The following ZNF484 variants were observed in gnomAD, a reference collection of about 807,000 sequenced individuals.
ZNF484 encodes KRAB box containing C2H2 type zinc finger bA526D8.4.
A neutral mutation model predicts 12.9 loss-of-function variants in ZNF484; 11 were observed. The observed-to-expected ratio is 0.85, with a 90% confidence interval of 0.54 to 1.41. The LOEUF (loss-of-function observed/expected upper bound fraction) is 1.41. ZNF484 is among the 40% of genes most tolerant of loss of function. The pLI, the probability that ZNF484 is intolerant of heterozygous loss-of-function variation, is 0.00. For missense variants in ZNF484, 807 were observed against 1,007.7 expected (o/e 0.80, Z 2.70); for synonymous variants, 289 against 334.1 (o/e 0.86, Z 1.47).
chr9:92,875,334 G>A (rs1348852407), intron 1 of ZNF484, among the ~76,000 whole-genome samples: 1 of 152,198 alleles, frequency 6.6e-6, no homozygotes, highest in Non-Finnish European at 1.5e-5. Context: ...AGGATATACT[G>A]TTCTATTACG....
intron 1 of ZNF484, among the ~76,000 whole-genome samples, chr9:92,876,851 T>A (rs1044270938): frequency 1.3e-5 from 2 of 152,174 alleles, no homozygotes; most frequent in African/African-American, 4.8e-5. Context: ...TTAGGAAAGA[T>A]AAAGATTTGA....
chr9:92,856,323 T>TAAA lies in ZNF484; in HGVS notation c.16-8_16-6dup, dbSNP rs56121719. ...GTCCTTGAATGACACTGATTCCTGT[T>TAAA]AAAAAAAAAAAACAAACTTTAAAAT... is the stretch of plus-strand genomic sequence containing the variant. On this transcript the variant is annotated splice_region_variant and splice_polypyrimidine_tract_variant and intron_variant, in intron 2 of 4. Coordinates refer to ENST00000375495, the MANE Select transcript of ZNF484 (RefSeq NM_031486.4). 5,547 of 1,356,432 alleles carry TAAA rather than the reference T, an allele frequency of 4.1e-3. No individual in the cohort carries two copies. The highest frequency in any genetic ancestry group is 4.8e-3 in the Non-Finnish European group (4,880 of 1,017,854). The allele number at this position is 1,356,432 out of a possible 1,614,324, so 84.0% of individuals were successfully genotyped here. A position where few individuals can be genotyped will look rare whatever the true frequency, so the allele number is the denominator to read the frequency against.
chr9:92,850,143 G>A (rs1174172148), intron 4 of ZNF484, among the ~76,000 whole-genome samples: 1 of 152,180 alleles, frequency 6.6e-6, no homozygotes, highest in African/African-American at 2.4e-5. Context: ...GCACTTTATT[G>A]TAACCCTTTG....
rs944133288 is a variant in ZNF484, at chr9:92,867,422, T to C, written c.15+7593A>G. Reference sequence around the variant, plus strand: ...CCTTGAACCCGGGAGGCGGAGGTTGTGGTGAGCTGAGATTGCGCCATTGCA... The same window carrying C: ...CCTTGAACCCGGGAGGCGGAGGTTGCGGTGAGCTGAGATTGCGCCATTGCA... On this transcript the variant is annotated intron_variant, in intron 2 of 4. Transcript: ENST00000375495. 2.6e-5 allele frequency among the ~76,000 whole-genome samples: 4 copies of C among 152,024 alleles called. No individual in the cohort carries two copies. In the East Asian group the frequency reaches 7.7e-4, roughly 29 times the overall value.
At chr9:92,853,487 G>A (rs1387219865) in intron 4 of ZNF484, among the ~76,000 whole-genome samples, 2 of 152,192 alleles carry the variant, frequency 1.3e-5, no homozygotes, top group Non-Finnish European at 2.9e-5. Context: ...GCCTGACTGA[G>A]ACACACAAAT....
chr9:92,848,133 T>C lies in ZNF484; in HGVS notation c.654A>G (p.Thr218=), dbSNP rs1219807756. 12 of 1,614,216 alleles carry C rather than the reference T, an allele frequency of 7.4e-6. No homozygotes were observed. Among genetic ancestry groups the C allele is most frequent in the Non-Finnish European group, 1.0e-5 (12 of 1,180,038 alleles). The change falls in exon 5 of 5, where the codon ACA becomes ACG. Residue 218 remains threonine, a synonymous_variant. Transcript: ENST00000375495. The surrounding 1 kb of genome is among the most constrained non-coding windows in gnomAD (Gnocchi z 4.1). ...GDIFTHLNSH[T]EVTACECNQC... is the part of the protein sequence containing the mutation. ...GGTTACATTCACAAGCAGTCACTTC[T>C]GTATGAGAATTCAAATGAGTGAAAA...
At chr9:92,864,035 T>G in intron 2 of ZNF484, among the ~76,000 whole-genome samples, 1 of 152,144 alleles carries the variant, frequency 6.6e-6, no homozygotes, top group East Asian at 1.9e-4. Context: ...GGGGATTAGT[T>G]GATGGGGTTG....
chr9:92,864,960 T>C (rs560868276), intron 2 of ZNF484, among the ~76,000 whole-genome samples: 1 of 151,796 alleles, frequency 6.6e-6, no homozygotes, highest in African/African-American at 2.4e-5. Context: ...AAAATAAGGA[T>C]TATACAGAAG....
chr9:92,848,177 T>C lies in ZNF484; in HGVS notation c.610A>G (p.Thr204Ala), dbSNP rs780457126. 3.7e-6 allele frequency: 6 copies of C among 1,614,082 alleles called. No individual in the cohort carries two copies. The highest frequency in any genetic ancestry group is 5.1e-6 in the Non-Finnish European group (6 of 1,180,022). ...GTGAAAATATCACCATCTCCAATAG[T>C]CTTATCAGAATTTTCTGTTGCATTG... is the stretch of plus-strand genomic sequence containing the variant. ...RNNATENSDKTIGDGDIFTHL... is the reference protein window; with the variant it reads ...RNNATENSDKAIGDGDIFTHL... The change falls in exon 5 of 5, where the codon ACT becomes GCT. Residue 204 changes from threonine (T) to alanine (A), a missense_variant. Coordinates refer to ENST00000375495, the MANE Select transcript of ZNF484 (RefSeq NM_031486.4). The surrounding 1 kb of genome is among the most constrained non-coding windows in gnomAD (Gnocchi z 4.1).
intron 2 of ZNF484, among the ~76,000 whole-genome samples, chr9:92,860,330 C>A (rs1033983896): frequency 6.6e-6 from 1 of 152,084 alleles, no homozygotes; most frequent in African/African-American, 2.4e-5. Context: ...AGGCCAGGCG[C>A]GGTGGCTCAC....
chr9:92,848,398 T>A lies in ZNF484; in HGVS notation c.389A>T (p.Glu130Val). Residue 130 changes from glutamate (E) to valine (V), a missense_variant, in exon 5 of 5, where the codon GAA becomes GTA. Transcript: ENST00000375495. The surrounding 1 kb of genome is among the most constrained non-coding windows in gnomAD (Gnocchi z 4.1). ...ACGACTTAAAGGTTTGTTCTGGTTT[T>A]CTCCACATTTTCTTGTGTGTTCATC... is the stretch of plus-strand genomic sequence containing the variant. The part of the protein sequence containing the change: ...KDDEHTRKCG[E>V]NQNKPLSRVV... The A allele has an allele frequency of 6.2e-7, 1 of 1,614,182 alleles. No homozygotes were observed. The highest frequency in any genetic ancestry group is 8.5e-7 in the Non-Finnish European group (1 of 1,180,022).
intron 2 of ZNF484, among the ~76,000 whole-genome samples, chr9:92,870,997 G>A (rs1402027066): frequency 6.6e-6 from 1 of 152,104 alleles, no homozygotes; most frequent in Non-Finnish European, 1.5e-5. Context: ...ACTCAAATAA[G>A]ATCTAGAGTC....
At chr9:92,860,450 A>G (rs1341216543) in intron 2 of ZNF484, among the ~76,000 whole-genome samples, 1 of 151,932 alleles carries the variant, frequency 6.6e-6, no homozygotes, top group Non-Finnish European at 1.5e-5. Flanking sequence ...AAAAAATACA[A>G]AAAATTAGCC....
rs1855585113 is a variant in ZNF484 at position 92,846,313 on chromosome 9, G to C, written c.2474C>G (p.Ser825Cys). 1 of 1,614,034 alleles carries C rather than the reference G, an allele frequency of 6.2e-7. No individual in the cohort carries two copies. The highest frequency in any genetic ancestry group is 1.1e-5 in the South Asian group (1 of 91,084). ...GGAGCACTCTACTTCCCCATTGTCA[G>C]ATTTCTGAGGCATACTGAGTTGTGG... ...WKPQLSMPQK[S>C]DNGEVECSMP... The change falls in exon 5 of 5, where the codon TCT becomes TGT. Residue 825 changes from serine (S) to cysteine (C), a missense_variant. Transcript: ENST00000375495.
rs1386712592 is a variant in ZNF484, at chr9:92,860,637, C to CA, written c.16-4320dup. Among the ~76,000 whole-genome samples, 1,132 of 144,010 alleles carry CA rather than the reference C, an allele frequency of 7.9e-3. 6 individuals are homozygous for CA. Among genetic ancestry groups the CA allele is most frequent in the South Asian group, 0.032 (146 of 4,516 alleles). The allele number at this position is 144,010 out of a possible 152,430, so 94.5% of individuals were successfully genotyped here. ...AAAAAAAACAACAAAACAAAACAAACAAAAAAAAACCAGTATACTTGAGGT... is the reference window on the plus strand; with the variant it reads ...AAAAAAAACAACAAAACAAAACAAACAAAAAAAAAACCAGTATACTTGAGGT... On this transcript the variant is annotated intron_variant, in intron 2 of 4. Transcript: ENST00000375495.
intron 2 of ZNF484, among the ~76,000 whole-genome samples, chr9:92,861,046 A>C (rs747409581): frequency 3.9e-5 from 6 of 152,232 alleles, no homozygotes; most frequent in Admixed American, 1.3e-4. Flanking sequence ...CAGGTTTCAA[A>C]TTAGCTTCTG....
rs1474091877 is a variant in ZNF484 at position 92,846,460 on chromosome 9, T to C, written c.2327A>G (p.Tyr776Cys). The C allele has an allele frequency of 3.1e-6, 5 of 1,614,162 alleles. No individual in the cohort carries two copies. The Admixed American group carries it at 8.3e-5, about 27-fold the overall frequency. ...GGCCTTTCCACACTCAGCACATATA[T>C]ATGGTTTCTCTCCTGTGTGAATTCG... ...HHRIHTGEKP[Y>C]ICAECGKAFT... Residue 776 changes from tyrosine (Y) to cysteine (C), a missense_variant, in exon 5 of 5, where the codon TAT (tyrosine) becomes TGT (cysteine). Transcript: ENST00000375495.
intron 4 of ZNF484, among the ~76,000 whole-genome samples, chr9:92,850,466 T>C (rs932320790): frequency 6.6e-6 from 1 of 152,248 alleles, no homozygotes; most frequent in Non-Finnish European, 1.5e-5. Flanking sequence ...AAAATTACGA[T>C]ATCTTAGTCA....
chr9:92,860,276 CT>C (rs1438486938), intron 2 of ZNF484, among the ~76,000 whole-genome samples: 1 of 152,190 alleles, frequency 6.6e-6, no homozygotes, highest in Non-Finnish European at 1.5e-5. Context: ...GGCCAAACCT[CT>C]CTTTGGGCAA....
Sources: gnomAD v4.1 joint callset for allele counts (sites outside exome capture counted in the v4.1 genomes callset) on GRCh38, gnomAD v4.1.1 for gene constraint, Gnocchi (gnomAD v3.1) non-coding constraint, MANE v1.5 for transcripts, NCBI Gene and HGNC (gene_info 2026-07-23, HGNC 2026-07-21) for gene names.